RAD51B: variants seen among roughly 807,000 people sequenced by gnomAD.
The protein encoded by RAD51B is DNA repair protein RAD51 homolog 2.
A neutral mutation model predicts 42.2 loss-of-function variants in RAD51B; 38 were observed. The ratio of observed to expected loss-of-function variants is 0.90; its 90% CI spans 0.70 to 1.18. RAD51B has a LOEUF of 1.18. RAD51B is among the 50% of genes most tolerant of loss of function. RAD51B has a pLI of 0.00. For synonymous variants in RAD51B, 154 were observed against 145.2 expected (o/e 1.06, Z -0.43); for missense variants, 373 against 400.7 (o/e 0.93, Z 0.59).
chr14:67,927,469 A>G (rs748797503), intron 7 of RAD51B, among the ~76,000 whole-genome samples: 1 of 152,118 alleles, frequency 6.6e-6, no homozygotes, highest in African/African-American at 2.4e-5. Flanking sequence ...CCCACAACCA[A>G]CTTCTCCTGT....
At chr14:67,978,347 A>G (rs2075032128) in intron 7 of RAD51B, among the ~76,000 whole-genome samples, 1 of 152,178 alleles carries the variant, frequency 6.6e-6, no homozygotes, top group South Asian at 2.1e-4. Flanking sequence ...TTATAAATAT[A>G]TTTCTTTGGG....
At chr14:68,334,967 A>G (rs2082419731) in intron 8 of RAD51B, among the ~76,000 whole-genome samples, 1 of 148,076 alleles carries the variant, frequency 6.8e-6, no homozygotes, top group African/African-American at 2.5e-5. Context: ...TTATATATAT[A>G]TATATAAAAA....
rs141504953 is a variant in RAD51B at position 68,440,773 on chromosome 14, G to T, written c.958-27399G>T. Reference sequence around the variant, plus strand: ...AAAAAAAAAGAAAGAAAGAAAGAAAGAAAGTAACCATCATTTCTAGTCTGT... The same window carrying T: ...AAAAAAAAAGAAAGAAAGAAAGAAATAAAGTAACCATCATTTCTAGTCTGT... On this transcript the variant is annotated intron_variant, in intron 9 of 10. Coordinates refer to ENST00000471583, the MANE Select transcript of RAD51B (RefSeq NM_133510.4). Among the ~76,000 whole-genome samples, 119 of 151,982 alleles carry T rather than the reference G, an allele frequency of 7.8e-4. 1 individual carries two copies. The highest frequency in any genetic ancestry group is 3.4e-3 in the Middle Eastern group (1 of 294).
Position 68,227,590 on chromosome 14 carries a change from G to A in RAD51B, c.757-64294G>A, listed in dbSNP as rs1042048919. ...TTTATATTAATATTTCCAATGTAGC[G>A]ATAATACTGTCCTCCTCAGCAATGG... On this transcript the variant is annotated intron_variant, in intron 7 of 10. Coordinates refer to ENST00000471583, the MANE Select transcript of RAD51B (RefSeq NM_133510.4). Among the ~76,000 whole-genome samples, 12 of 152,110 alleles carry A rather than the reference G, an allele frequency of 7.9e-5. No homozygotes were observed. In the East Asian group the frequency reaches 1.9e-3, roughly 24 times the overall value.
chr14:68,381,446 C>A (rs1333927126), intron 8 of RAD51B, among the ~76,000 whole-genome samples: 1 of 152,080 alleles, frequency 6.6e-6, no homozygotes, highest in Non-Finnish European at 1.5e-5. Flanking sequence ...GAGGCCGAGG[C>A]AGGCAGATCA....
chr14:67,931,066 G>A (rs1486600346), intron 7 of RAD51B, among the ~76,000 whole-genome samples: 1 of 152,026 alleles, frequency 6.6e-6, no homozygotes, highest in Non-Finnish European at 1.5e-5. Context: ...GACTACAGGA[G>A]CCTGCCACCA....
chr14:68,602,205 T>C (rs990122938), intron 10 of RAD51B, among the ~76,000 whole-genome samples: 3 of 152,026 alleles, frequency 2.0e-5, no homozygotes, highest in Non-Finnish European at 4.4e-5. Context: ...CCTTCCTGCT[T>C]GTCCACCTTC....
intron 5 of RAD51B, among the ~76,000 whole-genome samples, chr14:67,873,723 C>T (rs7156017): frequency 1 from 142,537 of 142,628 alleles, 71,223 homozygotes; most frequent in Middle Eastern, 1. Context: ...ATTAAGAAAG[C>T]GTGGCACATA....
chr14:68,673,908 TACAC>T (rs140316753), intron 11 of RAD51B, among the ~76,000 whole-genome samples: 1 of 150,972 alleles, frequency 6.6e-6, no homozygotes, highest in Non-Finnish European at 1.5e-5. Flanking sequence ...ACACATACTG[TACAC>T]ACACATATGT....
intron 7 of RAD51B, among the ~76,000 whole-genome samples, chr14:68,091,618 A>T (rs1338280925): frequency 1.3e-5 from 2 of 152,154 alleles, no homozygotes; most frequent in Non-Finnish European, 2.9e-5. Flanking sequence ...AGATGAGTAG[A>T]TTGCAAAAAT....
At chr14:67,827,294 TAG>T (rs1386966977) in intron 3 of RAD51B, among the ~76,000 whole-genome samples, 1 of 152,190 alleles carries the variant, frequency 6.6e-6, no homozygotes, top group Non-Finnish European at 1.5e-5. Flanking sequence ...CGTTAATAAA[TAG>T]AGAGCATGGT....
At chr14:68,184,618 A>AC (rs1566712699) in intron 7 of RAD51B, among the ~76,000 whole-genome samples, 4 of 61,242 alleles carry the variant, frequency 6.5e-5, no homozygotes, top group African/African-American at 9.3e-5. Flanking sequence ...TAAAAAAAAA[A>AC]AAAAACCAAA....
chr14:68,539,749 G>GA (rs1173871580), intron 10 of RAD51B, among the ~76,000 whole-genome samples: 1 of 152,204 alleles, frequency 6.6e-6, no homozygotes, highest in Non-Finnish European at 1.5e-5. Context: ...ATCATTCTTT[G>GA]GCCGCTGTCA....
At chr14:68,006,827 C>G (rs563402153) in intron 7 of RAD51B, among the ~76,000 whole-genome samples, 2 of 152,030 alleles carry the variant, frequency 1.3e-5, no homozygotes, top group Admixed American at 1.3e-4. Context: ...AGAGTATTAA[C>G]TTTTATGTTT....
intron 9 of RAD51B, among the ~76,000 whole-genome samples, chr14:68,444,944 G>A (rs550368845): frequency 3.9e-5 from 6 of 152,188 alleles, no homozygotes; most frequent in South Asian, 2.1e-4. Flanking sequence ...AGGCATATCC[G>A]TGCATTAGAG....
chr14:68,355,581 C>T (rs1326068054), intron 8 of RAD51B, among the ~76,000 whole-genome samples: 1 of 152,152 alleles, frequency 6.6e-6, no homozygotes, highest in Non-Finnish European at 1.5e-5. Context: ...ACTTGCTGGT[C>T]ACAGCTGGAG....
intron 7 of RAD51B, among the ~76,000 whole-genome samples, chr14:68,054,284 C>G (rs2076439157): frequency 1.3e-5 from 2 of 152,054 alleles, no homozygotes; most frequent in Admixed American, 1.3e-4. Context: ...TATTCTTTGT[C>G]CCCTGCAACT....
intron 7 of RAD51B, among the ~76,000 whole-genome samples, chr14:68,153,041 T>C (rs1297914755): frequency 1.3e-5 from 2 of 152,212 alleles, no homozygotes; most frequent in Non-Finnish European, 2.9e-5. Context: ...CTTGCTATTA[T>C]GAATAGTGCT....
At chr14:68,241,597 G>A (rs893727781) in intron 7 of RAD51B, among the ~76,000 whole-genome samples, 25 of 151,938 alleles carry the variant, frequency 1.6e-4, no homozygotes, top group African/African-American at 5.6e-4. Context: ...AAAATATTTC[G>A]CTTCATCATT....
Sources: gnomAD v4.1 joint callset for allele counts (sites outside exome capture counted in the v4.1 genomes callset) on GRCh38, gnomAD v4.1.1 for gene constraint, MANE v1.5 for transcripts, NCBI Gene and HGNC (gene_info 2026-07-23, HGNC 2026-07-21) for gene names.